XPO4: variants seen among roughly 807,000 people sequenced by gnomAD.
XPO4 encodes the protein exportin 4, also known as exportin-4.
XPO4 carries 39 observed loss-of-function variants against 143.0 expected under a neutral mutation model. The observed-to-expected ratio is 0.27, with a 90% CI of 0.21 to 0.36. The LOEUF (loss-of-function observed/expected upper bound fraction) is 0.36. Ranked by LOEUF, XPO4 falls within the 10% of genes least tolerant of loss-of-function variation. The pLI, the probability that XPO4 is intolerant of heterozygous loss-of-function variation, is 1.00. For synonymous variants in XPO4, 439 were observed against 474.0 expected (o/e 0.93, Z 0.96); for missense variants, 907 against 1,348.0 (o/e 0.67, Z 5.12).
At chr13:20,857,635 G>A (rs2060157157) in intron 3 of XPO4, among the ~76,000 whole-genome samples, 1 of 152,132 alleles carries the variant, frequency 6.6e-6, no homozygotes, top group African/African-American at 2.4e-5. Flanking sequence ...GCTGAGGCAG[G>A]AGAATGGCAT....
At chr13:20,801,020 CTTTTA>C (rs1312551488) in intron 13 of XPO4, 30 bp from the exon 14 acceptor site, 1 of 1,596,082 alleles carries the variant, frequency 6.3e-7, no homozygotes, top group Non-Finnish European at 8.5e-7. Context: ...GTCATTTATT[CTTTTA>C]TTTATTTAGT....
chr13:20,852,652 G>A, intron 4 of XPO4: 1 of 967,124 alleles, frequency 1.0e-6, no homozygotes, highest in Non-Finnish European at 1.2e-6. Context: ...TTTAAATAAT[G>A]ATTATGAATA....
intron 10 of XPO4, 91 bp downstream of exon 10, chr13:20,809,700 C>T: frequency 7.3e-7 from 1 of 1,376,902 alleles, no homozygotes; most frequent in Middle Eastern, 2.0e-4. Flanking sequence ...GGGAACCCAT[C>T]CTAAATTTCT....
intron 1 of XPO4, among the ~76,000 whole-genome samples, chr13:20,898,330 C>T (rs1483496154): frequency 6.6e-6 from 1 of 152,064 alleles, no homozygotes; most frequent in Non-Finnish European, 1.5e-5. Flanking sequence ...TTTGGGAGAC[C>T]AAGGTGGGAG....
chr13:20,842,210 A>C (rs991751211), intron 6 of XPO4, among the ~76,000 whole-genome samples: 5 of 152,194 alleles, frequency 3.3e-5, no homozygotes, highest in Admixed American at 3.3e-4. Flanking sequence ...TTTACACAAC[A>C]AATGGGTAGT....
At chr13:20,859,968 T>A in intron 3 of XPO4, 1 of 431,310 alleles carries the variant, frequency 2.3e-6, no homozygotes, top group Non-Finnish European at 3.1e-6. Context: ...CTATGACAAC[T>A]AAACAGCTCC....
At chr13:20,871,301 T>C (rs921138005) in intron 1 of XPO4, among the ~76,000 whole-genome samples, 2 of 152,086 alleles carry the variant, frequency 1.3e-5, no homozygotes, top group Non-Finnish European at 2.9e-5. Context: ...ATCACAGGCA[T>C]GAGCCACCGT....
At chr13:20,882,109 C>CAAAAAAAAAAAAA (rs35404161) in intron 1 of XPO4, among the ~76,000 whole-genome samples, 102 of 93,302 alleles carry the variant, frequency 1.1e-3, no homozygotes, top group African/African-American at 4.6e-3. Flanking sequence ...GACTCGGTCT[C>CAAAAAAAAAAAAA]AAAAAAAAAA....
intron 20 of XPO4, 62 bp downstream of exon 20, chr13:20,788,424 T>C: frequency 1.9e-6 from 3 of 1,556,882 alleles, no homozygotes; most frequent in Non-Finnish European, 2.6e-6. Context: ...AAAAAACTTT[T>C]CTTTAAAGGA....
At chr13:20,861,777 C>CTCTTTTTT in intron 3 of XPO4, among the ~76,000 whole-genome samples, 1 of 73,444 alleles carries the variant, frequency 1.4e-5, no homozygotes, top group African/African-American at 4.8e-5. Context: ...ACATTTCTCT[C>CTCTTTTTT]TTTTTTTTTT....
chr13:20,806,092 A>G (rs2059500089), intron 13 of XPO4, among the ~76,000 whole-genome samples: 1 of 152,224 alleles, frequency 6.6e-6, no homozygotes, highest in African/African-American at 2.4e-5. Context: ...ATAATATGAC[A>G]GCACCCTGAA....
At chr13:20,831,629 A>C (rs1433753724) in intron 6 of XPO4, among the ~76,000 whole-genome samples, 1 of 152,108 alleles carries the variant, frequency 6.6e-6, no homozygotes, top group Non-Finnish European at 1.5e-5. Context: ...TATCAGAATA[A>C]TTCATTTGTA....
chr13:20,837,684 G>A (rs923437904), intron 6 of XPO4, among the ~76,000 whole-genome samples: 7 of 152,166 alleles, frequency 4.6e-5, no homozygotes, highest in South Asian at 2.1e-4. Context: ...ACAGTTCCAC[G>A]TGGCTGGGGA....
At chr13:20,845,045 C>A (rs1254546856) in intron 4 of XPO4, among the ~76,000 whole-genome samples, 3 of 152,162 alleles carry the variant, frequency 2.0e-5, no homozygotes, top group African/African-American at 7.2e-5. Flanking sequence ...TGATGGCAGG[C>A]ACCTGTAGTC....
chr13:20,804,155 C>T (rs962947498), intron 13 of XPO4, among the ~76,000 whole-genome samples: 1 of 149,828 alleles, frequency 6.7e-6, no homozygotes, highest in African/African-American at 2.4e-5. Flanking sequence ...TATATACACA[C>T]AATATATATA....
chr13:20,795,505 C>G (rs910575416), intron 18 of XPO4, among the ~76,000 whole-genome samples: 5 of 152,228 alleles, frequency 3.3e-5, no homozygotes, highest in African/African-American at 1.2e-4. Context: ...CCCCTCACAT[C>G]ATACTGTAGG....
chr13:20,814,179 C>A, intron 9 of XPO4, among the ~76,000 whole-genome samples: 1 of 138,706 alleles, frequency 7.2e-6, no homozygotes, highest in Non-Finnish European at 1.5e-5. Context: ...CATCCTCTGA[C>A]TCACCCAGTC....
chr13:20,888,627 G>A (rs1378388377), intron 1 of XPO4, among the ~76,000 whole-genome samples: 2 of 152,180 alleles, frequency 1.3e-5, no homozygotes, highest in Middle Eastern at 3.4e-3. Flanking sequence ...AAAGTGCTGC[G>A]ATTACAAGCA....
At chr13:20,853,196 G>C in intron 4 of XPO4, 2 of 253,898 alleles carry the variant, frequency 7.9e-6, no homozygotes, top group Non-Finnish European at 1.2e-5. Flanking sequence ...AGCCAGGAGT[G>C]GTGGCTTGTG....
Sources: allele counts gnomAD v4.1 joint callset (sites outside exome capture counted in the v4.1 genomes callset), GRCh38; gene constraint gnomAD v4.1.1; transcripts MANE v1.5; gene names NCBI Gene and HGNC (gene_info 2026-07-23, HGNC 2026-07-21).